Variants in OGG1 observed in about 807,000 individuals in gnomAD.
OGG1 encodes the protein N-glycosylase/DNA lyase.
Under a neutral mutation model 42.3 loss-of-function variants are expected in OGG1, and 35 were observed. The ratio of observed to expected loss-of-function variants is 0.83; its 90% CI spans 0.63 to 1.10. The LOEUF is 1.10. OGG1 is among the 50% of genes least tolerant of loss of function. The pLI, the probability that OGG1 is intolerant of heterozygous loss-of-function variation, is 0.00. For synonymous variants in OGG1, 189 were observed against 179.0 expected, an observed-to-expected ratio of 1.06 and a Z score of -0.44; for missense variants, 484 against 446.7, an observed-to-expected ratio of 1.08 and a Z score of -0.75.
chr3:9,759,158 T>C, downstream of OGG1: 1 of 1,535,328 alleles, frequency 6.5e-7, no homozygotes, highest in Non-Finnish European at 9.0e-7. Flanking sequence ...TATTCCGCTA[T>C]GCCTCACTAA....
In OGG1 at chr3:9,750,238, C is replaced by T. The variant is rs756713013; in HGVS notation, c.-49C>T. 23 of 1,580,980 alleles carry T rather than the reference C, an allele frequency of 1.5e-5. No homozygotes were observed. The highest frequency in any genetic ancestry group is 2.0e-4 in the Middle Eastern group (1 of 5,032). On this transcript the variant is annotated 5_prime_UTR_variant, in exon 1 of 7. Transcript: ENST00000344629. ...GCGGGGTCTTTGGGCGTCGACGAGG[C>T]CTGGTTCTGGGTAGGCGGGGCTACT...
At chr3:9,761,871 G>T, downstream of OGG1, 1 of 1,453,594 alleles carries the variant, frequency 6.9e-7, no homozygotes, top group Non-Finnish European at 9.1e-7. Flanking sequence ...AGCCACTGTG[G>T]CTTCATGGCT....
chr3:9,781,198 C>T (rs903041628), intron 2 of OGG1, among the ~76,000 whole-genome samples: 5 of 151,912 alleles, frequency 3.3e-5, no homozygotes, highest in Admixed American at 1.3e-4. Context: ...GTAATCCCAG[C>T]GCTTTGGGAG....
At chr3:9,767,844 C>T, downstream of OGG1, 1 of 1,551,342 alleles carries the variant, frequency 6.4e-7, no homozygotes, top group Non-Finnish European at 8.7e-7. Context: ...GAATTTACTG[C>T]AGGCCCCATT....
intron 3 of OGG1, chr3:9,781,685 A>AT (rs1342825524): frequency 2.3e-6 from 1 of 433,150 alleles, no homozygotes; most frequent in Non-Finnish European, 4.8e-6. Flanking sequence ...TCACTTAGTG[A>AT]TTGAGTCCAG....
chr3:9,763,993 A>AAT lies in OGG1; in HGVS notation c.1049-1804_1049-1803dup, dbSNP rs146785722. Among the ~76,000 whole-genome samples the AAT allele has an allele frequency of 5.9e-4, 89 of 151,998 alleles. 1 individual carries two copies. Among genetic ancestry groups the AAT allele is most frequent in the African/African-American group, 2.1e-3 (87 of 41,480 alleles). The stretch of plus-strand genomic sequence containing the variant: ...AAGAGCAAAACTCCATCTCAAAAAA[A>AAT]ATATATATATATAGTTTTCTGTGTT... On this transcript the variant is annotated intron_variant, in intron 7 of 7. Transcript: ENST00000302008.
At chr3:9,761,600 C>T (rs1462951595), downstream of OGG1, 1 of 1,613,632 alleles carries the variant, frequency 6.2e-7, no homozygotes, top group African/African-American at 1.3e-5. Flanking sequence ...TTCCCCCCAC[C>T]ATCACAGCCC....
chr3:9,750,737 C>T (rs762305529), intron 1 of OGG1: 17 of 730,198 alleles, frequency 2.3e-5, no homozygotes, highest in Non-Finnish European at 3.9e-5. Flanking sequence ...CGCAGCCTCC[C>T]GAGTAGCTGG....
intron 1 of OGG1, 38 bp downstream of exon 1, chr3:9,750,461 T>TG (rs1330674394): frequency 1.2e-6 from 2 of 1,611,928 alleles, no homozygotes. Context: ...CCCCTCGGAC[T>TG]GGCTCCTGCC....
downstream of OGG1, chr3:9,761,574 G>T: frequency 6.2e-7 from 1 of 1,613,202 alleles, no homozygotes; most frequent in South Asian, 1.1e-5. Context: ...ACAAATCTCT[G>T]CCCTTCAACT....
chr3:9,785,291 G>A (rs750432845), intron 3 of OGG1: 1 of 1,569,074 alleles, frequency 6.4e-7, no homozygotes, highest in South Asian at 1.1e-5. Context: ...GCCAGACTGT[G>A]GGTTGTGGAT....
At chr3:9,760,560 T>C, downstream of OGG1, 1 of 1,273,882 alleles carries the variant, frequency 7.9e-7, no homozygotes. Context: ...TGCTGGAAAA[T>C]CCGACAGAAG....
chr3:9,766,173 G>A, exon 8 of OGG1: 2 of 873,538 alleles, frequency 2.3e-6, no homozygotes, highest in Non-Finnish European at 3.7e-6. Flanking sequence ...ATGTAAGCCT[G>A]GAGCTAATGG....
At chr3:9,779,708 C>A (rs149771447) in intron 2 of OGG1, among the ~76,000 whole-genome samples, 268 of 152,244 alleles carry the variant, frequency 1.8e-3, no homozygotes, top group East Asian at 7.7e-3. Flanking sequence ...ATTGGCTAAC[C>A]GTGAAGGCCA....
chr3:9,776,263 T>C (rs1242531114), intron 2 of OGG1, among the ~76,000 whole-genome samples: 14 of 152,192 alleles, frequency 9.2e-5, no homozygotes, highest in Admixed American at 9.2e-4. Flanking sequence ...TGTTATCTTC[T>C]GCCCAGCAAT....
At chr3:9,783,878 A>G (rs1022380401) in intron 3 of OGG1, 1 of 1,351,154 alleles carries the variant, frequency 7.4e-7, no homozygotes, top group African/African-American at 1.5e-5. Context: ...TACCCGGTGG[A>G]CTGGCCACTG....
chr3:9,760,208 A>C (rs879533999), downstream of OGG1: 11 of 187,738 alleles, frequency 5.9e-5, no homozygotes, highest in Non-Finnish European at 1.2e-4. Flanking sequence ...GTGCCACTGC[A>C]CTCCAGCCTG....
downstream of OGG1, chr3:9,759,549 T>C (rs773723897): frequency 4.3e-6 from 7 of 1,614,144 alleles, no homozygotes; most frequent in Non-Finnish European, 5.9e-6. Flanking sequence ...GTGGATATTC[T>C]TATCTAGAGC....
chr3:9,765,889 C>T, exon 8 of OGG1: 1 of 1,614,144 alleles, frequency 6.2e-7, no homozygotes, highest in Non-Finnish European at 8.5e-7. Flanking sequence ...GAGAAGGCCC[C>T]CCTATCGGGA....
Sources: gnomAD v4.1 joint callset for allele counts (sites outside exome capture counted in the v4.1 genomes callset) on GRCh38, gnomAD v4.1.1 for gene constraint, MANE v1.5 for transcripts, NCBI Gene and HGNC (gene_info 2026-07-23, HGNC 2026-07-21) for gene names.